Variants in MYT1 observed in about 807,000 individuals in gnomAD.
MYT1 encodes myelin transcription factor I.
Under a neutral mutation model 123.0 loss-of-function variants are expected in MYT1, and 23 were observed. The observed-to-expected ratio is 0.19, with a 90% CI of 0.13 to 0.26. The LOEUF (loss-of-function observed/expected upper bound fraction) is 0.26. Among genes scored for constraint, MYT1 ranks in the 10% least tolerant of loss-of-function variants. The probability of loss-of-function intolerance (pLI) is 1.00; values close to 1 mark genes in which losing one functional copy is unlikely to be tolerated. For synonymous variants in MYT1, 518 were observed against 575.3 expected, an observed-to-expected ratio of 0.90 and a Z score of 1.43; for missense variants, 1,125 against 1,472.5, an observed-to-expected ratio of 0.76 and a Z score of 3.86.
At chr20:64,220,838 A>G (rs2874246) in intron 13 of MYT1, among the ~76,000 whole-genome samples, 6,306 of 33,970 alleles carry the variant, frequency 0.19, 1,009 homozygotes, top group African/African-American at 0.49. Context: ...TATGAAGGGT[A>G]GGGGCTGGAT....
rs565266953 is a variant in MYT1 at position 64,232,803 on chromosome 20, C to T, written c.2897+418C>T. Among the ~76,000 whole-genome samples, 1 of 151,888 alleles carries T rather than the reference C, an allele frequency of 6.6e-6. No individual in the cohort carries two copies. Among genetic ancestry groups the T allele is most frequent in the South Asian group, 2.1e-4 (1 of 4,792 alleles). On this transcript the variant is annotated intron_variant, in intron 19 of 22. Transcript: ENST00000328439. This position sits in a 1 kb window ranked among gnomAD's most constrained non-coding sequence, Gnocchi z 6.9. The stretch of plus-strand genomic sequence containing the variant: ...TACCTTCTCAGGAAAAGTTTGTCTC[C>T]TACACCTTATGCCCTGTCCGTCCCA...
chr20:64,232,376 C>A lies in MYT1; in HGVS notation c.2888C>A (p.Thr963Asn). Reference protein sequence around the residue: ...GSGHANGSFLTHRSLSGCPRA... With the variant: ...GSGHANGSFLNHRSLSGCPRA... ...GGCCACGCCAATGGGAGTTTCCTCA[C>A]CCACCGGAGGTAACTGTGCCTGCAG... The change falls in exon 19 of 23, where the codon ACC becomes AAC. Residue 963 changes from threonine (T) to asparagine (N), a missense_variant. By Grantham distance (65) the Thr-to-Asn change is moderately conservative (BLOSUM62 0). This residue lies in a region of MYT1 where 243 missense variants were observed against 323.1 expected (regional missense o/e 0.75). Transcript: ENST00000328439. The surrounding 1 kb of genome is among the most constrained non-coding windows in gnomAD (Gnocchi z 6.9). 6.2e-7 allele frequency: 1 copy of A among 1,612,926 alleles called. No homozygotes were observed. The highest frequency in any genetic ancestry group is 8.5e-7 in the Non-Finnish European group (1 of 1,179,914).
Position 64,223,436 on chromosome 20 carries a change from A to G in MYT1, c.2528+77A>G. 2.0e-6 allele frequency: 3 copies of G among 1,521,386 alleles called. No homozygotes were observed. The Admixed American group carries it at 5.0e-5, about 25-fold the overall frequency. 94.2% of individuals were successfully genotyped at this position (1,521,386 alleles called of 1,614,324 possible). ...CTCTCCTTCCATGAGGCTCCTGCCA[A>G]AATCAGCCTTCTCCAAGGTGCCAAG... On this transcript the variant is annotated intron_variant, in intron 16 of 22. Coordinates refer to ENST00000328439, the MANE Select transcript of MYT1 (RefSeq NM_004535.3).
At chr20:64,198,286 CAAAAAAAAAAAAAAA>C (rs34822167) in intron 2 of MYT1, among the ~76,000 whole-genome samples, 855 of 23,856 alleles carry the variant, frequency 0.036, 31 homozygotes, top group African/African-American at 0.091. Context: ...GACTCCGTCT[CAAAAAAAAAAAAAAA>C]AAAAAAAAAA....
chr20:64,212,018 C>T lies in MYT1; in HGVS notation c.1427-30C>T, dbSNP rs925277005. Reference sequence around the variant, plus strand: ...CGCTCCCCAGATTCTCTGACAGCCTCGGCTCCCTCCACCCCCTGTTCTCTT... The same window carrying T: ...CGCTCCCCAGATTCTCTGACAGCCTTGGCTCCCTCCACCCCCTGTTCTCTT... On this transcript the variant is annotated intron_variant, in intron 8 of 22. Coordinates refer to ENST00000328439, the MANE Select transcript of MYT1 (RefSeq NM_004535.3). This position sits in a 1 kb window ranked among gnomAD's most constrained non-coding sequence, Gnocchi z 6.8. 6.9e-6 allele frequency: 11 copies of T among 1,586,342 alleles called. No homozygotes were observed. The highest frequency in any genetic ancestry group is 6.7e-5 in the Admixed American group (4 of 59,878).
intron 16 of MYT1, 85 bp downstream of exon 16, chr20:64,223,444 C>G (rs1984072280): frequency 6.7e-7 from 1 of 1,492,174 alleles, no homozygotes; most frequent in Non-Finnish European, 9.3e-7. Flanking sequence ...CAAAATCAGC[C>G]TTCTCCAAGG....
rs1305214729 is a variant in MYT1, at chr20:64,202,130, G to A, written c.86+2208G>A. On this transcript the variant is annotated intron_variant, in intron 4 of 22. Coordinates refer to ENST00000328439, the MANE Select transcript of MYT1 (RefSeq NM_004535.3). The surrounding 1 kb of genome is among the most constrained non-coding windows in gnomAD (Gnocchi z 5.0). ...GCATTGGCTCAGAACTTCACAGCCT[G>A]CAGTGCCCCTAACCCCAGCTCGCCT... Among the ~76,000 whole-genome samples the A allele has an allele frequency of 6.6e-6, 1 of 152,212 alleles. No individual in the cohort carries two copies. The highest frequency in any genetic ancestry group is 1.5e-5 in the Non-Finnish European group (1 of 68,044).
Position 64,218,376 on chromosome 20 carries a change from T to C in MYT1, c.1847-535T>C, listed in dbSNP as rs1983901645. On this transcript the variant is annotated intron_variant, in intron 11 of 22. Transcript: ENST00000328439. This position sits in a 1 kb window ranked among gnomAD's most constrained non-coding sequence, Gnocchi z 4.0. ...TTTGTCATGTTCATTTGAGCAATAA[T>C]GTTACTTTTTTAAGGCAGTGATGGT... Among the ~76,000 whole-genome samples the C allele has an allele frequency of 6.6e-6, 1 of 152,192 alleles. No homozygotes were observed. The highest frequency in any genetic ancestry group is 2.4e-5 in the African/African-American group (1 of 41,434).
Position 64,190,275 on chromosome 20 carries a change from C to T in MYT1, c.-1+115C>T, listed in dbSNP as rs1982924776. 6.6e-6 allele frequency: 1 copy of T among 152,370 alleles called. No individual in the cohort carries two copies. Among genetic ancestry groups the T allele is most frequent in the Admixed American group, 6.5e-5 (1 of 15,290 alleles). 9.4% of individuals were successfully genotyped at this position (152,370 alleles called of 1,614,324 possible). On this transcript the variant is annotated intron_variant, in intron 2 of 22. Transcript: ENST00000328439. This position sits in a 1 kb window ranked among gnomAD's most constrained non-coding sequence, Gnocchi z 4.1. ...GAGGCGACTTTTGGTCTGATCCTCA[C>T]CAGAGTCCGGGTTAGGTGAAGGGTA...
chr20:64,186,538 CAT>C lies in MYT1; in HGVS notation c.-98-3524_-98-3523del, dbSNP rs780809016. Among the ~76,000 whole-genome samples the C allele has an allele frequency of 1.4e-4, 22 of 152,272 alleles. No individual in the cohort carries two copies. Among genetic ancestry groups the C allele is most frequent in the Non-Finnish European group, 2.6e-4 (18 of 68,042 alleles). On this transcript the variant is annotated intron_variant, in intron 1 of 22. Transcript: ENST00000328439. The surrounding 1 kb of genome is among the most constrained non-coding windows in gnomAD (Gnocchi z 4.3). ...GGTTCACTTCCAGGCTCCGTCCACA[CAT>C]GTCTCTCCATCTCCAAATAATTCTT...
At chr20:64,217,715 G>A (rs1418786514) in intron 11 of MYT1, among the ~76,000 whole-genome samples, 1 of 152,228 alleles carries the variant, frequency 6.6e-6, no homozygotes, top group Non-Finnish European at 1.5e-5. Context: ...TCAGACTGTG[G>A]GCTGGGTGGG....
intron 16 of MYT1, 28 bp from the exon 17 acceptor site, chr20:64,227,387 C>CCCGTTACAGTTCTGCTT (rs1984197370): frequency 6.2e-7 from 1 of 1,610,694 alleles, no homozygotes; most frequent in Non-Finnish European, 8.5e-7. Flanking sequence ...TTCACGGGCT[C>CCCGTTACAGTTCTGCTT]CCGTTCCAGT....
chr20:64,181,231 G>T (rs1039252794), intron 1 of MYT1, among the ~76,000 whole-genome samples: 1 of 152,018 alleles, frequency 6.6e-6, no homozygotes, highest in Admixed American at 6.5e-5. Flanking sequence ...ACGATTATGG[G>T]CACTTAATGG....
Position 64,240,305 on chromosome 20 carries a change from G to A in MYT1, c.3238-15G>A, listed in dbSNP as rs2427624. The A allele has an allele frequency of 1.2e-6, 2 of 1,612,390 alleles. No individual in the cohort carries two copies. Among genetic ancestry groups the A allele is most frequent in the East Asian group, 4.5e-5 (2 of 44,878 alleles). On this transcript the variant is annotated splice_polypyrimidine_tract_variant and intron_variant, in intron 22 of 22. Transcript: ENST00000328439. The stretch of plus-strand genomic sequence containing the variant: ...CTGCATGGACGGAGCTTGCTAACCT[G>A]GTTCTGTTCTCTAGGAGCCAATATG...
At chr20:64,205,517 G>A in intron 5 of MYT1, 36 bp from the exon 6 acceptor site, 1 of 1,609,474 alleles carries the variant, frequency 6.2e-7, no homozygotes. Context: ...CGTGGCCCTA[G>A]CCTGGTCCTC....
At chr20:64,221,161 G>A (rs952595059) in intron 13 of MYT1, among the ~76,000 whole-genome samples, 16 of 152,182 alleles carry the variant, frequency 1.1e-4, no homozygotes, top group Admixed American at 5.9e-4. Flanking sequence ...GGACAGAGTG[G>A]CACCTGGGCC....
At chr20:64,177,862 T>C (rs1982516442) in intron 1 of MYT1, among the ~76,000 whole-genome samples, 1 of 152,168 alleles carries the variant, frequency 6.6e-6, no homozygotes, top group Non-Finnish European at 1.5e-5. Context: ...CTTGTCAGAC[T>C]TTCTCAGGTG....
chr20:64,237,489 C>A, intron 21 of MYT1, 99 bp downstream of exon 21: 1 of 912,826 alleles, frequency 1.1e-6, no homozygotes, highest in Non-Finnish European at 1.7e-6. Flanking sequence ...ATCAAGGTTG[C>A]TGTCAGGGCT....
intron 13 of MYT1, among the ~76,000 whole-genome samples, chr20:64,220,557 G>T (rs1983970582): frequency 6.6e-6 from 1 of 152,358 alleles, no homozygotes; most frequent in South Asian, 2.1e-4. Flanking sequence ...TGTGAAAGAA[G>T]AATCCTCCGA....
Sources: gnomAD v4.1 joint callset for allele counts (sites outside exome capture counted in the v4.1 genomes callset) on GRCh38, gnomAD v4.1.1 for gene constraint, gnomAD v4.1.1 regional missense constraint, Gnocchi (gnomAD v3.1) non-coding constraint, MANE v1.5 for transcripts, NCBI Gene and HGNC (gene_info 2026-07-23, HGNC 2026-07-21) for gene names.